The following ANO2 variants were observed in gnomAD, a reference collection of about 807,000 sequenced individuals.
ANO2 encodes anoctamin-2.
A neutral mutation model predicts 124.2 loss-of-function variants in ANO2; 101 were observed. The observed-to-expected ratio is 0.81, with a 90% CI of 0.69 to 0.96. The LOEUF (loss-of-function observed/expected upper bound fraction) is 0.96, where lower values mean the gene tolerates loss of function less well. Ranked by LOEUF, ANO2 falls within the 40% of genes least tolerant of loss-of-function variation. The pLI is 0.00. For synonymous variants in ANO2, 486 were observed against 482.5 expected (o/e 1.01, Z -0.09); for missense variants, 1,293 against 1,274.5 (o/e 1.01, Z -0.22).
At chr12:5,793,894 A>G (rs1952768649) in intron 10 of ANO2, among the ~76,000 whole-genome samples, 1 of 152,226 alleles carries the variant, frequency 6.6e-6, no homozygotes, top group African/African-American at 2.4e-5. Flanking sequence ...TCCCTCCGAA[A>G]GGGTACAACT....
At chr12:5,649,095 G>C (rs1946787497) in intron 14 of ANO2, among the ~76,000 whole-genome samples, 1 of 152,168 alleles carries the variant, frequency 6.6e-6, no homozygotes, top group South Asian at 2.1e-4. Context: ...GAGCTCACAG[G>C]CTAAGGAAAC....
In ANO2 at chr12:5,709,267, C is replaced by T. The variant is rs146973694; in HGVS notation, c.1545+23253G>A. Among the ~76,000 whole-genome samples the T allele has an allele frequency of 3.0e-3, 461 of 152,286 alleles. 3 individuals carry two copies. Among genetic ancestry groups the T allele is most frequent in the African/African-American group, 0.01 (433 of 41,554 alleles). On this transcript the variant is annotated intron_variant, in intron 14 of 24. Coordinates refer to ENST00000682330, the MANE Select transcript of ANO2 (RefSeq NM_001364791.2). ...CTCCTGGTTTTAACAGGGTCCATAGCTGTCCAGAAGAAAAACTATACTCTC... is the reference window on the plus strand; with the variant it reads ...CTCCTGGTTTTAACAGGGTCCATAGTTGTCCAGAAGAAAAACTATACTCTC...
chr12:5,931,449 A>G (rs1238129035), intron 1 of ANO2, among the ~76,000 whole-genome samples: 2 of 152,100 alleles, frequency 1.3e-5, no homozygotes, highest in Non-Finnish European at 2.9e-5. Context: ...GGCTCCTTCC[A>G]TCAAGCCCTG....
At chr12:5,790,171 G>A (rs1952655734) in intron 10 of ANO2, among the ~76,000 whole-genome samples, 1 of 152,196 alleles carries the variant, frequency 6.6e-6, no homozygotes, top group South Asian at 2.1e-4. Context: ...ACTATAGGGA[G>A]AGAAACTTCA....
intron 3 of ANO2, among the ~76,000 whole-genome samples, chr12:5,875,630 T>C (rs1938042153): frequency 6.6e-6 from 1 of 152,224 alleles, no homozygotes; most frequent in Non-Finnish European, 1.5e-5. Flanking sequence ...TTCATCATGC[T>C]GCACCGGTGA....
intron 1 of ANO2, among the ~76,000 whole-genome samples, chr12:5,931,365 G>A (rs530450973): frequency 6.0e-4 from 91 of 152,150 alleles, no homozygotes; most frequent in African/African-American, 2.1e-3. Context: ...TCACATCTCT[G>A]TTCATTCATT....
rs146909006 is a variant in ANO2, at chr12:5,669,782, G to A, written c.1546-21981C>T. ...ACTTGGTTCATGCTGTTGCCATTAC[G>A]CTCATCACTCTCCACTCTATGTCAT... On this transcript the variant is annotated intron_variant, in intron 14 of 24. Transcript: ENST00000682330. 4.4e-3 allele frequency among the ~76,000 whole-genome samples: 666 copies of A among 152,242 alleles called. 5 individuals carry two copies. The highest frequency in any genetic ancestry group is 6.2e-3 in the South Asian group (30 of 4,818).
intron 23 of ANO2, among the ~76,000 whole-genome samples, chr12:5,571,071 G>T (rs897979855): frequency 1.1e-4 from 16 of 152,208 alleles, no homozygotes; most frequent in Non-Finnish European, 2.1e-4. Context: ...CAAGCCCTTA[G>T]GACCTGCAGG....
chr12:5,827,948 G>C, intron 6 of ANO2, 128 bp from the exon 7 acceptor site: 1 of 963,464 alleles, frequency 1.0e-6, no homozygotes, highest in Non-Finnish European at 1.5e-6. Context: ...ACGAAGCCAA[G>C]CATGTGCCTG....
chr12:5,642,589 C>A (rs1014530475), intron 15 of ANO2, among the ~76,000 whole-genome samples: 1 of 152,202 alleles, frequency 6.6e-6, no homozygotes, highest in Non-Finnish European at 1.5e-5. Context: ...TCCCTCTTCC[C>A]ACCCTTGCCT....
intron 3 of ANO2, among the ~76,000 whole-genome samples, chr12:5,891,640 C>T (rs901291803): frequency 1.3e-5 from 2 of 152,182 alleles, no homozygotes; most frequent in Non-Finnish European, 2.9e-5. Context: ...ACACTATATA[C>T]CCTAAGACAG....
chr12:5,779,950 A>C (rs1952337114), intron 10 of ANO2, among the ~76,000 whole-genome samples: 1 of 152,258 alleles, frequency 6.6e-6, no homozygotes, highest in African/African-American at 2.4e-5. Context: ...CTCGGACTAA[A>C]AAAAAGTAAA....
intron 10 of ANO2, among the ~76,000 whole-genome samples, chr12:5,772,320 C>T (rs562709561): frequency 1.5e-4 from 23 of 152,258 alleles, no homozygotes; most frequent in African/African-American, 5.1e-4. Flanking sequence ...CAATTACATC[C>T]GACTGGCTTT....
intron 10 of ANO2, among the ~76,000 whole-genome samples, chr12:5,757,114 C>A (rs1025415579): frequency 6.6e-6 from 1 of 152,216 alleles, no homozygotes; most frequent in African/African-American, 2.4e-5. Flanking sequence ...GTTCTGCAAC[C>A]TCTTACCTGA....
chr12:5,707,483 T>C (rs1005716187), intron 14 of ANO2, among the ~76,000 whole-genome samples: 1 of 151,980 alleles, frequency 6.6e-6, no homozygotes, highest in Non-Finnish European at 1.5e-5. Context: ...GTGAGTTAGG[T>C]AGGATGGGTC....
intron 7 of ANO2, among the ~76,000 whole-genome samples, chr12:5,808,330 C>A (rs939006443): frequency 6.6e-6 from 1 of 152,242 alleles, no homozygotes; most frequent in African/African-American, 2.4e-5. Context: ...AGAGAACCTT[C>A]TGCGCAGCAT....
chr12:5,566,581 G>A (rs1941774294), intron 23 of ANO2, among the ~76,000 whole-genome samples: 1 of 152,190 alleles, frequency 6.6e-6, no homozygotes, highest in African/African-American at 2.4e-5. Flanking sequence ...AGAGGTGGGT[G>A]GTGTCAGGCC....
chr12:5,693,263 T>C (rs908075451), intron 14 of ANO2, among the ~76,000 whole-genome samples: 1 of 152,192 alleles, frequency 6.6e-6, no homozygotes, highest in Admixed American at 6.5e-5. Context: ...TGTTCATAAG[T>C]AAATACCTGA....
At chr12:5,945,107 G>T in intron 1 of ANO2, 89 bp downstream of exon 1, 1 of 1,202,868 alleles carries the variant, frequency 8.3e-7, no homozygotes, top group Non-Finnish European at 1.1e-6. Context: ...CCCCAATCCC[G>T]AAGGGTGGGA....
Sources: allele counts gnomAD v4.1 joint callset (sites outside exome capture counted in the v4.1 genomes callset), GRCh38; gene constraint gnomAD v4.1.1; transcripts MANE v1.5; gene names NCBI Gene and HGNC (gene_info 2026-07-23, HGNC 2026-07-21).